TBX5: variants seen among roughly 807,000 people sequenced by gnomAD.
TBX5 encodes the protein T-box transcription factor 5.
A neutral mutation model predicts 51.1 loss-of-function variants in TBX5; 8 were observed. That is an observed-to-expected ratio of 0.16 (90% CI 0.09 to 0.28). The LOEUF (loss-of-function observed/expected upper bound fraction) is 0.28. Ranked by LOEUF, TBX5 falls within the 10% of genes least tolerant of loss-of-function variation. TBX5 has a pLI of 1.00. For synonymous variants in TBX5, 302 were observed against 266.4 expected, an observed-to-expected ratio of 1.13 and a Z score of -1.30; for missense variants, 589 against 671.7, an observed-to-expected ratio of 0.88 and a Z score of 1.36.
chr12:114,402,313 C>T (rs1375617648), intron 2 of TBX5, among the ~76,000 whole-genome samples: 2 of 152,036 alleles, frequency 1.3e-5, no homozygotes, highest in Non-Finnish European at 2.9e-5. Flanking sequence ...TTTCAATCCA[C>T]TTCACCTGAG....
intron 5 of TBX5, among the ~76,000 whole-genome samples, chr12:114,395,428 C>G (rs1343857814): frequency 3.3e-5 from 5 of 152,098 alleles, no homozygotes; most frequent in African/African-American, 1.2e-4. Flanking sequence ...CAGCCTTTTT[C>G]TGAGGCTTAG....
intron 7 of TBX5, among the ~76,000 whole-genome samples, chr12:114,369,732 A>T (rs1869750257): frequency 6.6e-6 from 1 of 152,220 alleles, no homozygotes; most frequent in African/African-American, 2.4e-5. Flanking sequence ...AAGCAAGGAC[A>T]CAAGAGAATT....
At position 114,406,057 on chromosome 12, in the gene TBX5, T is replaced by C; in HGVS notation, c.-468A>G. 1.0e-6 allele frequency: 1 copy of C among 980,748 alleles called. No individual in the cohort carries two copies. 60.8% of individuals were successfully genotyped at this position (980,748 alleles called of 1,614,324 possible). On this transcript the variant is annotated 5_prime_UTR_variant, in exon 1 of 9. Transcript: ENST00000405440. Reference sequence around the variant, plus strand: ...CGAGGTAAGAGTCAGTCTCTCTCACTCTCTCTCCCTCTCTCTCTCTCTCTG... The same window carrying C: ...CGAGGTAAGAGTCAGTCTCTCTCACCCTCTCTCCCTCTCTCTCTCTCTCTG...
intron 2 of TBX5, 121 bp from the exon 3 acceptor site, chr12:114,402,041 A>C: frequency 2.2e-6 from 2 of 914,606 alleles, no homozygotes; most frequent in Middle Eastern, 2.5e-4. Flanking sequence ...GGTCTCAGAG[A>C]GTAAAAAGTG....
intron 6 of TBX5, among the ~76,000 whole-genome samples, chr12:114,387,572 T>G (rs1565936325): frequency 1.3e-5 from 2 of 152,154 alleles, no homozygotes; most frequent in Non-Finnish European, 2.9e-5. Flanking sequence ...CTCCCTATGA[T>G]ACTATAAAGG....
chr12:114,388,227 G>A (rs1023469717), intron 6 of TBX5, among the ~76,000 whole-genome samples: 5 of 151,906 alleles, frequency 3.3e-5, no homozygotes, highest in African/African-American at 9.7e-5. Flanking sequence ...GCACGATCTC[G>A]GCTCACTGCA....
chr12:114,391,384 T>A (rs1190089559), intron 6 of TBX5, among the ~76,000 whole-genome samples: 2 of 151,848 alleles, frequency 1.3e-5, no homozygotes, highest in Non-Finnish European at 2.9e-5. Context: ...AAACAAAGAG[T>A]TTTCCGAAGT....
intron 7 of TBX5, among the ~76,000 whole-genome samples, chr12:114,369,637 G>A (rs923037824): frequency 5.9e-5 from 9 of 152,188 alleles, no homozygotes; most frequent in African/African-American, 1.4e-4. Flanking sequence ...CCAAAGAGAC[G>A]TGGTTAGTAT....
At chr12:114,365,972 G>T (rs993641520) in intron 8 of TBX5, 193 bp downstream of exon 8, 1 of 691,060 alleles carries the variant, frequency 1.4e-6, no homozygotes, top group Admixed American at 2.2e-5. Flanking sequence ...TGGAACTGGG[G>T]GTAGGAACAT....
chr12:114,402,032 G>T, intron 2 of TBX5, 112 bp from the exon 3 acceptor site: 1 of 956,236 alleles, frequency 1.0e-6, no homozygotes, highest in Non-Finnish European at 1.6e-6. Context: ...GGAGCCTGTG[G>T]TCTCAGAGAG....
At chr12:114,380,405 G>A (rs566289266) in intron 7 of TBX5, among the ~76,000 whole-genome samples, 1 of 152,238 alleles carries the variant, frequency 6.6e-6, no homozygotes, top group Non-Finnish European at 1.5e-5. Context: ...CCCAAACCTT[G>A]ATACGAGCCG....
At chr12:114,357,539 T>TA (rs1868992505) in intron 8 of TBX5, among the ~76,000 whole-genome samples, 1 of 152,162 alleles carries the variant, frequency 6.6e-6, no homozygotes, top group Non-Finnish European at 1.5e-5. Context: ...GAGTAATACT[T>TA]ACCTTACTGG....
intron 8 of TBX5, among the ~76,000 whole-genome samples, chr12:114,357,004 ATG>A (rs1868957338): frequency 1.3e-5 from 2 of 151,458 alleles, no homozygotes; most frequent in African/African-American, 4.9e-5. Context: ...GGATGGATGG[ATG>A]GATGGATGGA....
intron 7 of TBX5, among the ~76,000 whole-genome samples, chr12:114,369,767 T>C (rs1371739795): frequency 6.6e-6 from 1 of 152,190 alleles, no homozygotes; most frequent in Non-Finnish European, 1.5e-5. Flanking sequence ...AAAGCCCTTC[T>C]GTCTCTAGAA....
At chr12:114,365,993 C>G (rs890872491) in intron 8 of TBX5, 172 bp downstream of exon 8, 9 of 795,300 alleles carry the variant, frequency 1.1e-5, no homozygotes, top group Non-Finnish European at 1.5e-5. Flanking sequence ...GTCAAGGGAA[C>G]TTTTTGTTTT....
At chr12:114,398,779 A>T in intron 4 of TBX5, 59 bp from the exon 5 acceptor site, 1 of 1,560,092 alleles carries the variant, frequency 6.4e-7, no homozygotes, top group Non-Finnish European at 8.7e-7. Context: ...AGCGCACTGC[A>T]CCGAAGCGTG....
intron 8 of TBX5, among the ~76,000 whole-genome samples, chr12:114,361,437 T>A (rs974770912): frequency 6.2e-4 from 94 of 151,724 alleles, no homozygotes; most frequent in Non-Finnish European, 7.8e-4. Flanking sequence ...CGAGTGGGGG[T>A]GAGAGTCAGG....
intron 2 of TBX5, among the ~76,000 whole-genome samples, chr12:114,402,347 A>T (rs1871885541): frequency 6.6e-6 from 1 of 152,202 alleles, no homozygotes; most frequent in Admixed American, 6.5e-5. Flanking sequence ...ATAGATAAAA[A>T]ACCTAATTTA....
intron 5 of TBX5, among the ~76,000 whole-genome samples, chr12:114,395,477 G>C (rs1288631413): frequency 6.6e-6 from 1 of 152,122 alleles, no homozygotes; most frequent in East Asian, 1.9e-4. Flanking sequence ...CCTTTGTTTG[G>C]AGAACAAGCA....
Sources: allele counts gnomAD v4.1 joint callset (sites outside exome capture counted in the v4.1 genomes callset), GRCh38; gene constraint gnomAD v4.1.1; transcripts MANE v1.5; gene names NCBI Gene and HGNC (gene_info 2026-07-23, HGNC 2026-07-21).